The following MCHR2 variants were observed in gnomAD, a reference collection of about 807,000 sequenced individuals.
The protein encoded by MCHR2 is melanin concentrating hormone receptor 2.
A neutral mutation model predicts 24.8 loss-of-function variants in MCHR2; 15 were observed. That is an observed-to-expected ratio of 0.60 (90% CI 0.40 to 0.93). The LOEUF (loss-of-function observed/expected upper bound fraction) is 0.93. Ranked by LOEUF, MCHR2 falls within the 40% of genes least tolerant of loss-of-function variation. The probability of loss-of-function intolerance (pLI) is 0.00; values close to 1 mark genes in which losing one functional copy is unlikely to be tolerated. For synonymous variants in MCHR2, 151 were observed against 147.6 expected (o/e 1.02, Z -0.17); for missense variants, 386 against 408.7 (o/e 0.94, Z 0.48).
In MCHR2 at chr6:99,943,023, G is replaced by A. The variant is rs1774803962; in HGVS notation, c.513C>T (p.Tyr171=). ...SFILALPVWV[Y]SKVIKFKDGV... ...CGTCTTTAAATTTGATGACCTTCGAGTAGACCCAGACAGGCAATGCCAGGA... is the reference window on the plus strand; with the variant it reads ...CGTCTTTAAATTTGATGACCTTCGAATAGACCCAGACAGGCAATGCCAGGA... The change falls in exon 4 of 6, where the codon TAC becomes TAT. Residue 171 remains tyrosine (Y), a synonymous_variant. Transcript: ENST00000281806. 1.9e-6 allele frequency: 3 copies of A among 1,613,104 alleles called. No homozygotes were observed. The highest frequency in any genetic ancestry group is 2.5e-6 in the Non-Finnish European group (3 of 1,179,370).
chr6:99,990,765 C>G (rs1258812759), intron 1 of MCHR2, among the ~76,000 whole-genome samples: 1 of 151,780 alleles, frequency 6.6e-6, no homozygotes, highest in Non-Finnish European at 1.5e-5. Flanking sequence ...CTGTCTCTCT[C>G]TACATTTTTT....
rs991701204 is a variant in MCHR2 at position 99,993,918 on chromosome 6, C to G, written c.-28+18G>C. On this transcript the variant is annotated intron_variant, in intron 1 of 5. Transcript: ENST00000281806. ...ACGCCAGAGCCCGGCCCTCGCGCGG[C>G]AGCCCGCGGGACGTCACCTGGGTGC... 3.3e-5 allele frequency: 5 copies of G among 152,070 alleles called. No homozygotes were observed. Among genetic ancestry groups the G allele is most frequent in the African/African-American group, 1.2e-4 (5 of 41,526 alleles). 9.4% of individuals were successfully genotyped at this position (152,070 alleles called of 1,614,324 possible).
chr6:99,953,352 A>G (rs1323097354), intron 2 of MCHR2, among the ~76,000 whole-genome samples: 1 of 152,148 alleles, frequency 6.6e-6, no homozygotes, highest in Non-Finnish European at 1.5e-5. Flanking sequence ...TGAGTGTAGG[A>G]CACACCATAT....
At chr6:99,992,601 TTAAC>T (rs1775905969) in intron 1 of MCHR2, among the ~76,000 whole-genome samples, 1 of 152,202 alleles carries the variant, frequency 6.6e-6, no homozygotes, top group African/African-American at 2.4e-5. Flanking sequence ...CAATCTCCGT[TTAAC>T]TAACTACATT....
chr6:99,939,432 T>C (rs1043483255), intron 4 of MCHR2, among the ~76,000 whole-genome samples: 3 of 152,056 alleles, frequency 2.0e-5, no homozygotes, highest in African/African-American at 7.2e-5. Context: ...TTATCTTACA[T>C]CAAAGAAAAA....
chr6:99,938,169 T>C (rs976538415), intron 4 of MCHR2, among the ~76,000 whole-genome samples: 9 of 151,998 alleles, frequency 5.9e-5, no homozygotes, highest in Non-Finnish European at 1.3e-4. Context: ...TTGTTGATCG[T>C]CTGTAGTTTT....
intron 2 of MCHR2, among the ~76,000 whole-genome samples, chr6:99,950,926 C>T (rs1774952911): frequency 1.3e-5 from 2 of 152,122 alleles, no homozygotes; most frequent in Admixed American, 1.3e-4. Context: ...TGTCCTCAGG[C>T]CCCTTTGCCA....
intron 1 of MCHR2, among the ~76,000 whole-genome samples, chr6:99,976,210 T>C (rs1775548874): frequency 6.6e-6 from 1 of 152,226 alleles, no homozygotes; most frequent in Non-Finnish European, 1.5e-5. Context: ...TATATCTTTC[T>C]TCAACATGTT....
intron 1 of MCHR2, among the ~76,000 whole-genome samples, chr6:99,963,722 T>C (rs2114554853): frequency 6.6e-6 from 1 of 152,260 alleles, no homozygotes; most frequent in East Asian, 1.9e-4. Flanking sequence ...TGAGAAATGA[T>C]GCAGAGTTTA....
intron 1 of MCHR2, among the ~76,000 whole-genome samples, chr6:99,957,958 A>C (rs573385752): frequency 1.5e-3 from 227 of 152,190 alleles, no homozygotes; most frequent in African/African-American, 5.1e-3. Context: ...TAAAATTCCA[A>C]GTTTTATTCT....
chr6:99,987,236 G>T (rs1049136344), intron 1 of MCHR2, among the ~76,000 whole-genome samples: 8 of 151,962 alleles, frequency 5.3e-5, no homozygotes, highest in African/African-American at 1.9e-4. Flanking sequence ...AAGTAGCTGG[G>T]ATTACAGGCA....
At chr6:99,954,309 C>T (rs925470941) in intron 2 of MCHR2, among the ~76,000 whole-genome samples, 6 of 152,042 alleles carry the variant, frequency 3.9e-5, no homozygotes, top group African/African-American at 1.2e-4. Context: ...TAATATGCTC[C>T]ACAAAAGTTT....
intron 5 of MCHR2, among the ~76,000 whole-genome samples, chr6:99,921,910 C>G (rs1490394913): frequency 6.6e-6 from 1 of 152,124 alleles, no homozygotes; most frequent in Non-Finnish European, 1.5e-5. Flanking sequence ...TTTCACTTAA[C>G]ATAATGACTT....
rs150249487 is a variant in MCHR2, at chr6:99,984,531, A to G, written c.-28+9405T>C. ...TTTATTTCTTTAGATAACATCTTTT[A>G]GTTCTTTCATATGTGACTCACCACA... On this transcript the variant is annotated intron_variant, in intron 1 of 5. Coordinates refer to ENST00000281806, the MANE Select transcript of MCHR2 (RefSeq NM_001040179.2). 2.6e-5 allele frequency among the ~76,000 whole-genome samples: 4 copies of G among 151,794 alleles called. No individual in the cohort carries two copies. In the East Asian group the frequency reaches 7.8e-4, roughly 29 times the overall value.
At chr6:99,975,790 A>C (rs2114578684) in intron 1 of MCHR2, among the ~76,000 whole-genome samples, 2 of 152,392 alleles carry the variant, frequency 1.3e-5, no homozygotes, top group South Asian at 2.1e-4. Context: ...CCTTAGGATA[A>C]GTAGTGGCTA....
chr6:99,922,559 T>G (rs1774260819), intron 5 of MCHR2, among the ~76,000 whole-genome samples: 1 of 152,218 alleles, frequency 6.6e-6, no homozygotes, highest in Admixed American at 6.5e-5. Flanking sequence ...TTGATTTGAT[T>G]TTTGTATATA....
intron 1 of MCHR2, among the ~76,000 whole-genome samples, chr6:99,959,834 G>A (rs1399388939): frequency 3.1e-4 from 46 of 147,530 alleles, no homozygotes; most frequent in Admixed American, 3.1e-3. Context: ...TAATAATAAT[G>A]ATAATAATAA....
intron 1 of MCHR2, among the ~76,000 whole-genome samples, chr6:99,962,168 C>G (rs1775201368): frequency 6.6e-6 from 1 of 152,188 alleles, no homozygotes; most frequent in Non-Finnish European, 1.5e-5. Context: ...AACACAAGCA[C>G]TGCTACACTG....
intron 5 of MCHR2, among the ~76,000 whole-genome samples, chr6:99,929,978 G>A (rs1318476556): frequency 1.3e-4 from 20 of 150,340 alleles, no homozygotes; most frequent in South Asian, 2.1e-4. Flanking sequence ...GGCTGGTACC[G>A]GTTGTTCCTT....
Sources: gnomAD v4.1 joint callset for allele counts (sites outside exome capture counted in the v4.1 genomes callset) on GRCh38, gnomAD v4.1.1 for gene constraint, MANE v1.5 for transcripts, NCBI Gene and HGNC (gene_info 2026-07-23, HGNC 2026-07-21) for gene names.